SIL1: variants seen among roughly 807,000 people sequenced by gnomAD.
SIL1 encodes the protein SIL1 nucleotide exchange factor.
SIL1 carries 40 observed loss-of-function variants against 49.1 expected under a neutral mutation model. The observed-to-expected ratio is 0.81, with a 90% confidence interval of 0.63 to 1.06. The LOEUF (loss-of-function observed/expected upper bound fraction) is 1.06. SIL1 is among the 50% of genes least tolerant of loss of function. SIL1 has a pLI of 0.00. For missense variants in SIL1, 500 were observed against 572.6 expected (o/e 0.87, Z 1.29); for synonymous variants, 253 against 250.8 (o/e 1.01, Z -0.08).
At chr5:139,053,166 C>T (rs1769330859) in intron 3 of SIL1, among the ~76,000 whole-genome samples, 1 of 152,038 alleles carries the variant, frequency 6.6e-6, no homozygotes. Context: ...TAGTCCCTTC[C>T]TGGATGAATG....
chr5:139,111,191 AAAGC>A (rs933608462), intron 3 of SIL1, among the ~76,000 whole-genome samples: 1 of 152,202 alleles, frequency 6.6e-6, no homozygotes, highest in Non-Finnish European at 1.5e-5. Context: ...TTCATTGCTC[AAAGC>A]AGAAGACCAC....
At chr5:138,986,591 G>A (rs929308700) in intron 7 of SIL1, among the ~76,000 whole-genome samples, 1 of 152,092 alleles carries the variant, frequency 6.6e-6, no homozygotes, top group Non-Finnish European at 1.5e-5. Context: ...CCCTCTCAAG[G>A]CACTGATTGG....
At chr5:138,979,181 C>G (rs1318309913) in intron 7 of SIL1, among the ~76,000 whole-genome samples, 1 of 152,004 alleles carries the variant, frequency 6.6e-6, no homozygotes, top group Non-Finnish European at 1.5e-5. Context: ...TCTCCTGCCT[C>G]AGCCTCTCAA....
rs370971644 is a variant in SIL1 at position 139,084,576 on chromosome 5, T to C, written c.245-33530A>G. Among the ~76,000 whole-genome samples the C allele has an allele frequency of 1.0e-3, 120 of 119,802 alleles. No homozygotes were observed. In the South Asian group the frequency reaches 0.033, roughly 33 times the overall value. The allele number at this position is 119,802 out of a possible 152,430, so 78.6% of individuals were successfully genotyped here. On this transcript the variant is annotated intron_variant, in intron 3 of 9. Coordinates refer to ENST00000394817, the MANE Select transcript of SIL1 (RefSeq NM_022464.5). ...GCATATTCTCACTCATAGGTGGGAA[T>C]TGAACAATGAGATCACATGGACACA...
At chr5:139,006,808 C>T (rs1768128985) in intron 7 of SIL1, among the ~76,000 whole-genome samples, 1 of 147,888 alleles carries the variant, frequency 6.8e-6, no homozygotes, top group Non-Finnish European at 1.5e-5. Flanking sequence ...TGTTCTGTTC[C>T]ATTGATCTAT....
At chr5:139,037,437 A>G (rs555716580) in intron 5 of SIL1, among the ~76,000 whole-genome samples, 17 of 152,188 alleles carry the variant, frequency 1.1e-4, no homozygotes, top group Non-Finnish European at 2.2e-4. Context: ...TTCTAGCCCC[A>G]TATTCTTTCT....
intron 7 of SIL1, among the ~76,000 whole-genome samples, chr5:138,973,777 A>G (rs1053835162): frequency 6.6e-6 from 1 of 152,142 alleles, no homozygotes; most frequent in South Asian, 2.1e-4. Context: ...GTAGAGACTA[A>G]GTCCCACTAT....
chr5:139,059,374 AGGCCCCACC>A lies in SIL1; in HGVS notation c.245-8337_245-8329del, dbSNP rs1476944778. On this transcript the variant is annotated intron_variant, in intron 3 of 9. Transcript: ENST00000394817. ...TCATTCACCTTCCACCATGATTGTA[AGGCCCCACC>A]GGCCATGTGGAACTGTGAGTCCATT... Among the ~76,000 whole-genome samples, 27 of 152,288 alleles carry A rather than the reference AGGCCCCACC, an allele frequency of 1.8e-4. 1 individual carries two copies. The South Asian group carries it at 5.6e-3, about 32-fold the overall frequency.
chr5:139,162,633 T>C (rs992854078), intron 1 of SIL1, among the ~76,000 whole-genome samples: 9 of 152,202 alleles, frequency 5.9e-5, no homozygotes. Context: ...AGTAGGAATG[T>C]GAATGTGAAC....
At chr5:138,962,002 A>G (rs144547211) in intron 7 of SIL1, among the ~76,000 whole-genome samples, 12 of 147,526 alleles carry the variant, frequency 8.1e-5, no homozygotes, top group African/African-American at 3.0e-4. Context: ...GTTGCTCAGA[A>G]TATAATTTCA....
At chr5:139,008,993 C>A (rs1768187837) in intron 7 of SIL1, among the ~76,000 whole-genome samples, 1 of 151,050 alleles carries the variant, frequency 6.6e-6, no homozygotes, top group Admixed American at 6.6e-5. Flanking sequence ...TGGTGCAGAG[C>A]TGAGTTCAAT....
At chr5:139,011,023 T>C (rs1172499965) in intron 7 of SIL1, among the ~76,000 whole-genome samples, 1 of 149,566 alleles carries the variant, frequency 6.7e-6, no homozygotes, top group Admixed American at 6.7e-5. Context: ...TTTGTTTACC[T>C]AAGCAAGCCT....
intron 4 of SIL1, among the ~76,000 whole-genome samples, chr5:139,045,169 C>G (rs1376881730): frequency 6.6e-6 from 1 of 151,824 alleles, no homozygotes; most frequent in African/African-American, 2.4e-5. Flanking sequence ...CCAGTAAGGG[C>G]AACATAGTAA....
chr5:139,063,889 A>G (rs919859638), intron 3 of SIL1, among the ~76,000 whole-genome samples: 10 of 152,230 alleles, frequency 6.6e-5, no homozygotes, highest in Non-Finnish European at 1.5e-4. Context: ...GACCCAAATG[A>G]AAGTGCTAAA....
chr5:139,182,849 G>C (rs1454689166), intron 1 of SIL1, among the ~76,000 whole-genome samples: 1 of 152,224 alleles, frequency 6.6e-6, no homozygotes, highest in Non-Finnish European at 1.5e-5. Flanking sequence ...TTAAATCTGG[G>C]TGTATCTGAT....
chr5:139,026,730 A>G, intron 6 of SIL1, 71 bp downstream of exon 6: 1 of 1,365,862 alleles, frequency 7.3e-7, no homozygotes, highest in Non-Finnish European at 1.0e-6. Context: ...CTATTTTCTT[A>G]GGGCTTAGGG....
chr5:138,951,349 C>G lies in SIL1; in HGVS notation c.865-14G>C. The G allele has an allele frequency of 6.4e-7, 1 of 1,551,788 alleles. No homozygotes were observed. Among genetic ancestry groups the G allele is most frequent in the Non-Finnish European group, 8.7e-7 (1 of 1,147,212 alleles). ...TGCAAACAGGACCTGGGGGCACAGA[C>G]CCAGGGGTAGGTGAGGGGCCAAGCG... On this transcript the variant is annotated splice_polypyrimidine_tract_variant and intron_variant, in intron 8 of 9. Transcript: ENST00000394817.
At chr5:139,134,071 C>T (rs1250389498) in intron 1 of SIL1, among the ~76,000 whole-genome samples, 1 of 152,158 alleles carries the variant, frequency 6.6e-6, no homozygotes, top group Non-Finnish European at 1.5e-5. Context: ...ATAGGAAGTA[C>T]TGGGTACAGC....
At chr5:139,117,218 G>A (rs1170187283) in intron 3 of SIL1, among the ~76,000 whole-genome samples, 3 of 152,128 alleles carry the variant, frequency 2.0e-5, no homozygotes, top group East Asian at 1.9e-4. Flanking sequence ...CAGGGGTCAC[G>A]TCCTTTTTGC....
Sources: gnomAD v4.1 joint callset for allele counts (sites outside exome capture counted in the v4.1 genomes callset) on GRCh38, gnomAD v4.1.1 for gene constraint, MANE v1.5 for transcripts, NCBI Gene and HGNC (gene_info 2026-07-23, HGNC 2026-07-21) for gene names.